DDX10: variants seen among roughly 807,000 people sequenced by gnomAD.
DDX10 encodes the protein DEAD-box helicase 10.
In DDX10, 74 loss-of-function variants were observed where a neutral mutation model predicts 104.3. The ratio of observed to expected loss-of-function variants is 0.71; its 90% CI spans 0.59 to 0.86. DDX10 has a LOEUF of 0.86. DDX10 is among the 40% of genes least tolerant of loss of function. DDX10 has a pLI of 0.00. For synonymous variants in DDX10, 351 were observed against 353.4 expected (o/e 0.99, Z 0.08); for missense variants, 952 against 1,040.0 (o/e 0.92, Z 1.16).
At position 108,883,542 on chromosome 11, in the gene DDX10, A is replaced by G. The variant is rs539143466; in HGVS notation, c.2304+31333A>G. ...CTTCTTATTAGTATGCAAACATGTT[A>G]TCTCTCTAATAAGGGGGGAAGTCTC... On this transcript the variant is annotated intron_variant, in intron 16 of 17. Coordinates refer to ENST00000322536, the MANE Select transcript of DDX10 (RefSeq NM_004398.4). Among the ~76,000 whole-genome samples the G allele has an allele frequency of 2.0e-5, 3 of 152,106 alleles. No homozygotes were observed. The South Asian group carries it at 6.2e-4, about 32-fold the overall frequency.
At chr11:108,832,394 G>A (rs1453369429) in intron 13 of DDX10, among the ~76,000 whole-genome samples, 1 of 152,106 alleles carries the variant, frequency 6.6e-6, no homozygotes, top group East Asian at 1.9e-4. Flanking sequence ...AGATTACCTT[G>A]TATGGCAAAA....
intron 16 of DDX10, among the ~76,000 whole-genome samples, chr11:108,862,253 G>A (rs1472914898): frequency 6.6e-6 from 1 of 151,972 alleles, no homozygotes; most frequent in African/African-American, 2.4e-5. Context: ...TGAACTTCTG[G>A]CACCAAGTGA....
At chr11:108,842,191 T>A (rs1048886097) in intron 15 of DDX10, among the ~76,000 whole-genome samples, 18 of 152,308 alleles carry the variant, frequency 1.2e-4, no homozygotes, top group African/African-American at 4.3e-4. Flanking sequence ...CATGATATTG[T>A]TATACCATTA....
chr11:108,910,779 G>GTC (rs1863663268), intron 16 of DDX10, among the ~76,000 whole-genome samples: 9 of 133,718 alleles, frequency 6.7e-5, no homozygotes, highest in African/African-American at 2.6e-4. Context: ...GTGTGTGTGT[G>GTC]TGTGTGTGTG....
At chr11:108,735,648 G>T (rs2094317442) in intron 13 of DDX10, among the ~76,000 whole-genome samples, 1 of 151,580 alleles carries the variant, frequency 6.6e-6, no homozygotes, top group Non-Finnish European at 1.5e-5. Flanking sequence ...AAGTCCTGAA[G>T]TTATTTTCTC....
At chr11:108,850,970 G>A (rs1032344062) in intron 15 of DDX10, among the ~76,000 whole-genome samples, 2 of 152,168 alleles carry the variant, frequency 1.3e-5, no homozygotes, top group African/African-American at 2.4e-5. Flanking sequence ...ATTGTTATAT[G>A]AAATGCATAG....
At chr11:108,881,904 A>T (rs1336401462) in intron 16 of DDX10, among the ~76,000 whole-genome samples, 1 of 152,104 alleles carries the variant, frequency 6.6e-6, no homozygotes, top group African/African-American at 2.4e-5. Context: ...AATTTAATTA[A>T]AAAAATTTTT....
intron 16 of DDX10, among the ~76,000 whole-genome samples, chr11:108,905,162 C>T (rs1591119173): frequency 1.3e-5 from 2 of 152,120 alleles, no homozygotes; most frequent in South Asian, 4.1e-4. Context: ...TTTGTGGCTT[C>T]CAGGAACCCC....
At chr11:108,779,251 A>C (rs1277698314) in intron 13 of DDX10, among the ~76,000 whole-genome samples, 1 of 152,210 alleles carries the variant, frequency 6.6e-6, no homozygotes, top group Non-Finnish European at 1.5e-5. Context: ...TGTTTATTGC[A>C]GCACTATTCA....
chr11:108,678,038 T>G (rs982211032), intron 4 of DDX10, among the ~76,000 whole-genome samples: 1 of 152,154 alleles, frequency 6.6e-6, no homozygotes, highest in Admixed American at 6.5e-5. Context: ...AAATCCTGAC[T>G]TGGAGTATTC....
intron 17 of DDX10, among the ~76,000 whole-genome samples, chr11:108,927,863 C>T (rs1863928090): frequency 6.6e-6 from 1 of 152,140 alleles, no homozygotes; most frequent in Admixed American, 6.5e-5. Context: ...CGGTATTGAA[C>T]TCTTGACCTC....
chr11:108,911,549 T>G (rs1175532147), intron 16 of DDX10, among the ~76,000 whole-genome samples: 1 of 124,106 alleles, frequency 8.1e-6, no homozygotes, highest in Non-Finnish European at 1.7e-5. Flanking sequence ...AAGCTTTGCC[T>G]CCTCTTCTTT....
rs1344034154 is a variant in DDX10 at position 108,838,714 on chromosome 11, A to G, written c.2085+149A>G. 8.7e-5 allele frequency: 78 copies of G among 898,806 alleles called. 1 individual carries two copies. The highest frequency in any genetic ancestry group is 1.2e-4 in the Non-Finnish European group (74 of 618,758). 55.7% of individuals were successfully genotyped at this position (898,806 alleles called of 1,614,324 possible). A position where few individuals can be genotyped will look rare whatever the true frequency, so the allele number is the denominator to read the frequency against. ...CTTTCACTGTTACTGTAGGCTGTAC[A>G]TCAGCTCTACTGCTGTGAACAAGGA... On this transcript the variant is annotated intron_variant, in intron 14 of 17. Transcript: ENST00000322536.
chr11:108,668,478 T>C (rs2094212852), intron 1 of DDX10, among the ~76,000 whole-genome samples: 1 of 152,192 alleles, frequency 6.6e-6, no homozygotes, highest in Non-Finnish European at 1.5e-5. Context: ...AAATCAGTTG[T>C]CAAGGTTAGC....
chr11:108,731,075 G>C (rs1290234325), intron 13 of DDX10, among the ~76,000 whole-genome samples: 1 of 148,870 alleles, frequency 6.7e-6, no homozygotes, highest in African/African-American at 2.5e-5. Flanking sequence ...TTTTTGAGAC[G>C]GAGTCTCGCT....
chr11:108,904,927 C>T (rs554791199), intron 16 of DDX10, among the ~76,000 whole-genome samples: 1 of 152,220 alleles, frequency 6.6e-6, no homozygotes, highest in Admixed American at 6.5e-5. Context: ...CATATGTCAC[C>T]AGGCAGCTGA....
intron 10 of DDX10, among the ~76,000 whole-genome samples, chr11:108,714,722 A>G (rs974499456): frequency 7.3e-5 from 11 of 150,936 alleles, no homozygotes; most frequent in Non-Finnish European, 1.5e-4. Flanking sequence ...GTGTACATTC[A>G]GCATCAGTGG....
At chr11:108,842,793 T>A (rs564686390) in intron 15 of DDX10, among the ~76,000 whole-genome samples, 9 of 152,226 alleles carry the variant, frequency 5.9e-5, no homozygotes, top group African/African-American at 2.2e-4. Flanking sequence ...GCTTGTCATG[T>A]TTCAGCTTGC....
chr11:108,930,371 G>A (rs1384250240), intron 17 of DDX10, among the ~76,000 whole-genome samples: 1 of 152,140 alleles, frequency 6.6e-6, no homozygotes, highest in Non-Finnish European at 1.5e-5. Flanking sequence ...CCATTGTATG[G>A]ATGTATCACA....
Sources: gnomAD v4.1 joint callset for allele counts (sites outside exome capture counted in the v4.1 genomes callset) on GRCh38, gnomAD v4.1.1 for gene constraint, MANE v1.5 for transcripts, NCBI Gene and HGNC (gene_info 2026-07-23, HGNC 2026-07-21) for gene names.